The following NRXN3 variants were observed in gnomAD, a reference collection of about 807,000 sequenced individuals.
The protein encoded by NRXN3 is neurexin 3.
In NRXN3, 32 loss-of-function variants were observed where a neutral mutation model predicts 137.6. The ratio of observed to expected loss-of-function variants is 0.23; its 90% CI spans 0.18 to 0.31. The LOEUF (loss-of-function observed/expected upper bound fraction) is 0.31. Ranked by LOEUF, NRXN3 falls within the 10% of genes least tolerant of loss-of-function variation. NRXN3 has a pLI of 1.00. For missense variants in NRXN3, 1,574 were observed against 2,062.5 expected, an observed-to-expected ratio of 0.76 and a Z score of 4.59; for synonymous variants, 798 against 784.5, an observed-to-expected ratio of 1.02 and a Z score of -0.29.
chr14:78,927,295 A>T lies in NRXN3; in HGVS notation c.2276-29947A>T, dbSNP rs1025050181. ...CAATGCTTTTCCCCATGGCACTCAG[A>T]ATCCTGATTCCTGAGTCCTACAGAA... On this transcript the variant is annotated intron_variant, in intron 10 of 20. Coordinates refer to ENST00000335750, the MANE Select transcript of NRXN3 (RefSeq NM_001330195.2). Among the ~76,000 whole-genome samples the T allele has an allele frequency of 4.6e-5, 7 of 151,908 alleles. 1 individual carries two copies. Among genetic ancestry groups the T allele is most frequent in the Non-Finnish European group, 1.5e-5 (1 of 67,998 alleles).
At chr14:79,278,592 A>T (rs542678715) in intron 15 of NRXN3, among the ~76,000 whole-genome samples, 13 of 152,318 alleles carry the variant, frequency 8.5e-5, no homozygotes, top group South Asian at 2.1e-4. Context: ...TCTTTGAGCC[A>T]GCCGACTTGG....
rs543564716 is a variant in NRXN3 at position 79,454,159 on chromosome 14, C to T, written c.3263-13062C>T. Reference sequence around the variant, plus strand: ...AGTGCAGTGGCGTGATCTCGGCTCACTGCAACCTCTGCCTCCCAGGTTCAA... The same window carrying T: ...AGTGCAGTGGCGTGATCTCGGCTCATTGCAACCTCTGCCTCCCAGGTTCAA... On this transcript the variant is annotated intron_variant, in intron 15 of 20. Coordinates refer to ENST00000335750, the MANE Select transcript of NRXN3 (RefSeq NM_001330195.2). Among the ~76,000 whole-genome samples the T allele has an allele frequency of 4.6e-5, 7 of 152,176 alleles. No individual in the cohort carries two copies. The South Asian group carries it at 1.5e-3, about 32-fold the overall frequency.
intron 4 of NRXN3, among the ~76,000 whole-genome samples, chr14:78,302,078 G>A (rs941172095): frequency 6.6e-6 from 1 of 152,118 alleles, no homozygotes; most frequent in African/African-American, 2.4e-5. Context: ...GACCTCATAG[G>A]CACAGCCACC....
chr14:79,510,605 A>G (rs1601446090), intron 16 of NRXN3, among the ~76,000 whole-genome samples: 1 of 152,130 alleles, frequency 6.6e-6, no homozygotes, highest in African/African-American at 2.4e-5. Context: ...AAACGAAGTG[A>G]TTTTGGGGCT....
chr14:79,504,641 T>TA (rs1555491923), intron 16 of NRXN3, among the ~76,000 whole-genome samples: 2 of 97,876 alleles, frequency 2.0e-5, no homozygotes, highest in African/African-American at 3.7e-5. Flanking sequence ...ATGAAGTTTT[T>TA]TATATATATA....
intron 16 of NRXN3, among the ~76,000 whole-genome samples, chr14:79,528,346 G>A (rs2097140198): frequency 6.6e-6 from 1 of 152,022 alleles, no homozygotes; most frequent in African/African-American, 2.4e-5. Flanking sequence ...ACTTTTTGAT[G>A]TTATAAACAC....
chr14:79,751,863 C>T (rs1401224387), intron 19 of NRXN3, among the ~76,000 whole-genome samples: 1 of 151,886 alleles, frequency 6.6e-6, no homozygotes. Flanking sequence ...TGTTTATATG[C>T]TGGATTACAT....
chr14:78,190,273 C>T (rs1307410944), intron 1 of NRXN3, among the ~76,000 whole-genome samples: 1 of 152,246 alleles, frequency 6.6e-6, no homozygotes, highest in African/African-American at 2.4e-5. Context: ...AAGCCTGGAA[C>T]TTTCTCATTT....
chr14:78,176,378 GTTTTT>G, intron 1 of NRXN3, among the ~76,000 whole-genome samples: 1 of 140,054 alleles, frequency 7.1e-6, no homozygotes, highest in African/African-American at 2.6e-5. Context: ...TCTCTTCCAA[GTTTTT>G]TTTTTTTTTT....
At chr14:79,379,723 C>A (rs1262678635) in intron 15 of NRXN3, among the ~76,000 whole-genome samples, 1 of 152,132 alleles carries the variant, frequency 6.6e-6, no homozygotes, top group Non-Finnish European at 1.5e-5. Context: ...GAGAGACTGG[C>A]ATGATGAGGC....
chr14:78,261,534 A>G (rs1032278477), intron 2 of NRXN3, among the ~76,000 whole-genome samples: 8 of 152,230 alleles, frequency 5.3e-5, no homozygotes, highest in Non-Finnish European at 1.0e-4. Flanking sequence ...ACCACTATCC[A>G]AAAGGCTTTT....
At chr14:79,499,605 C>A (rs765904283) in intron 16 of NRXN3, among the ~76,000 whole-genome samples, 1 of 152,138 alleles carries the variant, frequency 6.6e-6, no homozygotes, top group Non-Finnish European at 1.5e-5. Context: ...ACTTCAGTAT[C>A]CAAAACAGTG....
chr14:78,501,735 G>A (rs1008538042), intron 4 of NRXN3, among the ~76,000 whole-genome samples: 2 of 152,082 alleles, frequency 1.3e-5, no homozygotes, highest in Non-Finnish European at 2.9e-5. Flanking sequence ...GCTACCTCTT[G>A]TACATTCATA....
intron 4 of NRXN3, among the ~76,000 whole-genome samples, chr14:78,392,778 G>T (rs909408800): frequency 6.6e-6 from 1 of 151,988 alleles, no homozygotes; most frequent in Non-Finnish European, 1.5e-5. Context: ...ATCTGCAGTG[G>T]GTTGTAGCAA....
At chr14:78,347,021 T>C (rs1023902233) in intron 4 of NRXN3, among the ~76,000 whole-genome samples, 2 of 152,138 alleles carry the variant, frequency 1.3e-5, no homozygotes, top group African/African-American at 4.8e-5. Flanking sequence ...TTACAGGCAA[T>C]TACAATTTGA....
chr14:79,737,542 G>C (rs574727369), intron 19 of NRXN3, among the ~76,000 whole-genome samples: 1 of 152,214 alleles, frequency 6.6e-6, no homozygotes, highest in Non-Finnish European at 1.5e-5. Context: ...TCTCAGCACG[G>C]AGTTTATATT....
chr14:78,760,088 C>G (rs902826684), intron 8 of NRXN3, among the ~76,000 whole-genome samples: 20 of 125,938 alleles, frequency 1.6e-4, no homozygotes, highest in South Asian at 5.7e-4. Flanking sequence ...GTTGCCCTGG[C>G]TGGAGTGCAA....
At chr14:79,177,264 G>A (rs1193917565) in intron 15 of NRXN3, among the ~76,000 whole-genome samples, 7 of 152,124 alleles carry the variant, frequency 4.6e-5, no homozygotes, top group African/African-American at 1.7e-4. Context: ...TTATAAATAT[G>A]CATGAGCTGT....
chr14:79,297,211 A>G (rs1018763114), intron 15 of NRXN3, among the ~76,000 whole-genome samples: 2 of 151,752 alleles, frequency 1.3e-5, no homozygotes, highest in African/African-American at 4.8e-5. Context: ...TCATTTCACA[A>G]TTCCTTTTTA....
Sources: allele counts gnomAD v4.1 joint callset (sites outside exome capture counted in the v4.1 genomes callset), GRCh38; gene constraint gnomAD v4.1.1; transcripts MANE v1.5; gene names NCBI Gene and HGNC (gene_info 2026-07-23, HGNC 2026-07-21).